Variants in DENND4A observed in about 807,000 individuals in gnomAD.
DENND4A encodes C-myc promoter-binding protein.
DENND4A carries 70 observed loss-of-function variants against 199.3 expected under a neutral mutation model. That is an observed-to-expected ratio of 0.35 (90% CI 0.29 to 0.43). DENND4A has a LOEUF of 0.43. Ranked by LOEUF, DENND4A falls within the 20% of genes least tolerant of loss-of-function variation. The probability of loss-of-function intolerance (pLI) is 1.00; values close to 1 mark genes in which losing one functional copy is unlikely to be tolerated. For missense variants in DENND4A, 1,723 were observed against 2,255.8 expected (o/e 0.76, Z 4.78); for synonymous variants, 686 against 766.9 (o/e 0.89, Z 1.74).
chr15:65,764,901 G>A (rs1050098371), intron 1 of DENND4A, among the ~76,000 whole-genome samples: 2 of 151,032 alleles, frequency 1.3e-5, no homozygotes, highest in African/African-American at 4.9e-5. Context: ...GAGCCCAGGA[G>A]GTTGAGGCTG....
At chr15:65,751,131 G>A (rs1341603359) in intron 4 of DENND4A, among the ~76,000 whole-genome samples, 1 of 152,138 alleles carries the variant, frequency 6.6e-6, no homozygotes, top group Non-Finnish European at 1.5e-5. Flanking sequence ...CCTGGATTAG[G>A]ACACTACTGC....
chr15:65,740,505 G>A (rs952738730), intron 5 of DENND4A, among the ~76,000 whole-genome samples: 1 of 150,636 alleles, frequency 6.6e-6, no homozygotes, highest in African/African-American at 2.4e-5. Flanking sequence ...ATGTACTCTC[G>A]GTAGTCTCAG....
intron 1 of DENND4A, among the ~76,000 whole-genome samples, chr15:65,784,572 GGGGAAGTT>G: frequency 6.6e-6 from 1 of 152,090 alleles, no homozygotes; most frequent in East Asian, 1.9e-4. Context: ...ATAAAAATAT[GGGGAAGTT>G]GTTGCCTTAA....
rs2414883 is a variant in DENND4A at position 65,659,459 on chromosome 15, C to A, written c.*2392G>T. 0.2 allele frequency: 30,253 copies of A among 150,232 alleles called. 4,053 individuals carry two copies. The highest frequency in any genetic ancestry group is 0.73 in the East Asian group (3,717 of 5,064). The allele number at this position is 150,232 out of a possible 1,614,324, so 9.3% of individuals were successfully genotyped here. On this transcript the variant is annotated 3_prime_UTR_variant, in exon 33 of 33. Coordinates refer to ENST00000443035, the MANE Select transcript of DENND4A (RefSeq NM_001320835.1). ...AAGTGATCCTCCTGCTTCAGCCTCC[C>A]GAGTAGCTGGGATTACCAAGCATGA...
At chr15:65,712,197 G>A (rs1435523773) in intron 14 of DENND4A, among the ~76,000 whole-genome samples, 1 of 152,152 alleles carries the variant, frequency 6.6e-6, no homozygotes, top group Non-Finnish European at 1.5e-5. Context: ...GTATTTCTCT[G>A]TATCAATCAT....
At chr15:65,784,798 G>A (rs756517576) in intron 1 of DENND4A, among the ~76,000 whole-genome samples, 15 of 152,140 alleles carry the variant, frequency 9.9e-5, no homozygotes, top group Non-Finnish European at 1.8e-4. Flanking sequence ...CAAGCAGGAG[G>A]AGGCCACTCA....
intron 4 of DENND4A, among the ~76,000 whole-genome samples, chr15:65,745,262 G>A (rs1031639809): frequency 6.6e-6 from 1 of 152,120 alleles, no homozygotes; most frequent in South Asian, 2.1e-4. Flanking sequence ...TAAAGTGAAA[G>A]AGAATAATAT....
chr15:65,727,756 A>C (rs1336159985), intron 11 of DENND4A: 1 of 279,442 alleles, frequency 3.6e-6, no homozygotes, highest in Non-Finnish European at 6.9e-6. Flanking sequence ...ACAGTGCATC[A>C]ATTTCCTCTT....
intron 1 of DENND4A, among the ~76,000 whole-genome samples, chr15:65,766,134 C>T (rs1228974545): frequency 2.0e-5 from 3 of 151,568 alleles, no homozygotes; most frequent in Non-Finnish European, 4.4e-5. Context: ...GCCTGTAGTC[C>T]CAGCTACTCA....
At chr15:65,747,113 A>C (rs1284451530) in intron 4 of DENND4A, among the ~76,000 whole-genome samples, 2 of 151,866 alleles carry the variant, frequency 1.3e-5, no homozygotes, top group Non-Finnish European at 2.9e-5. Context: ...TTAAAAAAAA[A>C]AAAAAATACT....
Position 65,690,886 on chromosome 15 carries a change from G to C in DENND4A, c.3708C>G (p.Ser1236Arg). ...TAGCAGATGGTGTTGAAATGCTTTT[G>C]CTATCATCTTCATCCTCCTCCTCTT... is the stretch of plus-strand genomic sequence containing the variant. ...KEEEEEDEDD[S>R]KSISTPSARR... The change falls in exon 23 of 33, where the codon AGC becomes AGG. Residue 1236 changes from serine (S) to arginine (R), a missense_variant. Around this residue, in one of 6 missense-constraint regions of DENND4A, gnomAD observed 650 missense variants for 738.1 expected, o/e 0.88. Coordinates refer to ENST00000443035, the MANE Select transcript of DENND4A (RefSeq NM_001320835.1). The C allele has an allele frequency of 6.2e-7, 1 of 1,610,292 alleles. No individual in the cohort carries two copies. Among genetic ancestry groups the C allele is most frequent in the Non-Finnish European group, 8.5e-7 (1 of 1,178,336 alleles).
rs574288919 is a variant in DENND4A at position 65,690,768 on chromosome 15, A to G, written c.3826T>C (p.Cys1276Arg). The change falls in exon 23 of 33, where the codon TGT becomes CGT. Residue 1276 changes from cysteine (C) to arginine (R), a missense_variant. Cys to Arg is a radical substitution (Grantham distance 180). This residue lies in a region of DENND4A where 650 missense variants were observed against 738.1 expected (regional missense o/e 0.88). Coordinates refer to ENST00000443035, the MANE Select transcript of DENND4A (RefSeq NM_001320835.1). Reference protein sequence around the residue: ...RTPSIDLQRACDDKLNKKSPP... With the variant: ...RTPSIDLQRARDDKLNKKSPP... ...CTTTTCTTATTTAATTTATCATCAC[A>G]TGCCCGTTGTAAATCAATGCTTGGT... The G allele has an allele frequency of 6.2e-7, 1 of 1,613,534 alleles. No homozygotes were observed. The highest frequency in any genetic ancestry group is 1.3e-5 in the African/African-American group (1 of 75,040).
chr15:65,715,399 T>G, intron 14 of DENND4A, 79 bp downstream of exon 14: 2 of 1,327,824 alleles, frequency 1.5e-6, no homozygotes, highest in Non-Finnish European at 2.0e-6. Context: ...TTAAAAGCTG[T>G]ACATAGAAAC....
intron 24 of DENND4A, among the ~76,000 whole-genome samples, chr15:65,676,135 AGG>A (rs1261344991): frequency 2.9e-5 from 3 of 103,600 alleles, no homozygotes; most frequent in Non-Finnish European, 4.0e-5. Flanking sequence ...GGAAGTAATA[AGG>A]AAAAATATAT....
At chr15:65,670,735 A>G (rs2141883919) in intron 25 of DENND4A, among the ~76,000 whole-genome samples, 1 of 152,370 alleles carries the variant, frequency 6.6e-6, no homozygotes, top group Middle Eastern at 3.4e-3. Flanking sequence ...GGTCTTTTAC[A>G]AAAGACAGTT....
chr15:65,735,577 A>G (rs1331203278), intron 7 of DENND4A, among the ~76,000 whole-genome samples: 1 of 152,194 alleles, frequency 6.6e-6, no homozygotes, highest in Non-Finnish European at 1.5e-5. Flanking sequence ...AATTGCAGTA[A>G]AAGAGTGTCA....
At chr15:65,684,163 G>GAACA (rs761025610) in intron 23 of DENND4A, among the ~76,000 whole-genome samples, 84 of 152,198 alleles carry the variant, frequency 5.5e-4, no homozygotes, top group Non-Finnish European at 1.0e-3. Context: ...TGGCTTTTAT[G>GAACA]AACAATGTTA....
At chr15:65,667,010 T>C (rs1287423276) in intron 29 of DENND4A, among the ~76,000 whole-genome samples, 2 of 152,152 alleles carry the variant, frequency 1.3e-5, no homozygotes, top group African/African-American at 2.4e-5. Flanking sequence ...CAATTCTATT[T>C]ATCTAATGAC....
chr15:65,787,131 C>G (rs1467618852), intron 1 of DENND4A, among the ~76,000 whole-genome samples: 2 of 151,874 alleles, frequency 1.3e-5, no homozygotes, highest in Non-Finnish European at 2.9e-5. Flanking sequence ...ATTTTTAAAA[C>G]TTTTCAAAAA....
Sources: gnomAD v4.1 joint callset for allele counts (sites outside exome capture counted in the v4.1 genomes callset) on GRCh38, gnomAD v4.1.1 for gene constraint, gnomAD v4.1.1 regional missense constraint, MANE v1.5 for transcripts, NCBI Gene and HGNC (gene_info 2026-07-23, HGNC 2026-07-21) for gene names.